The following MDFIC2 variants were observed in gnomAD, a reference collection of about 807,000 sequenced individuals.
The protein encoded by MDFIC2 is MyoD family inhibitor domain containing 2.
chr3:70,204,676 G>A (rs1701273860), intron 3 of MDFIC2: 1 of 150,342 alleles, frequency 6.7e-6, no homozygotes, highest in Non-Finnish European at 1.5e-5. Flanking sequence ...TTTTTGAATG[G>A]GGCTCTTGAG....
chr3:70,288,012 C>T (rs1039240265), intron 2 of MDFIC2, among the ~76,000 whole-genome samples: 46 of 152,002 alleles, frequency 3.0e-4, no homozygotes, highest in African/African-American at 9.2e-4. Flanking sequence ...AAAACCAGCT[C>T]CTGGATTCAT....
intron 2 of MDFIC2, chr3:70,283,631 G>A (rs1446249748): frequency 6.6e-6 from 1 of 152,022 alleles, no homozygotes; most frequent in Admixed American, 6.6e-5. Flanking sequence ...AGATTAAAGG[G>A]ATTCATGCTG....
chr3:70,299,254 G>A (rs1403079), intron 2 of MDFIC2, among the ~76,000 whole-genome samples: 44,514 of 151,778 alleles, frequency 0.29, 6,820 homozygotes, highest in South Asian at 0.41. Flanking sequence ...ACATTTATTC[G>A]TGAATCATCA....
intron 2 of MDFIC2, among the ~76,000 whole-genome samples, chr3:70,263,546 G>C (rs1223952231): frequency 6.6e-6 from 1 of 152,086 alleles, no homozygotes; most frequent in Non-Finnish European, 1.5e-5. Flanking sequence ...AAAATGTTTG[G>C]TTGACAGATC....
chr3:70,246,446 A>G (rs1282654418), intron 2 of MDFIC2, among the ~76,000 whole-genome samples: 1 of 152,098 alleles, frequency 6.6e-6, no homozygotes, highest in Non-Finnish European at 1.5e-5. Context: ...AACAACATAG[A>G]GTGAACTCAA....
intron 2 of MDFIC2, among the ~76,000 whole-genome samples, chr3:70,235,789 A>G (rs895652824): frequency 6.6e-6 from 1 of 152,204 alleles, no homozygotes; most frequent in Non-Finnish European, 1.5e-5. Context: ...ACTAAGCCTC[A>G]TTTCTTTATC....
intron 2 of MDFIC2, among the ~76,000 whole-genome samples, chr3:70,293,767 C>G (rs1356832968): frequency 6.6e-6 from 1 of 151,702 alleles, no homozygotes; most frequent in Admixed American, 6.6e-5. Flanking sequence ...AAAAATATAA[C>G]AATGAGTATC....
At chr3:70,243,891 T>C (rs1360322454) in intron 2 of MDFIC2, among the ~76,000 whole-genome samples, 2 of 152,198 alleles carry the variant, frequency 1.3e-5, no homozygotes, top group Non-Finnish European at 2.9e-5. Flanking sequence ...GAGAAAATAC[T>C]GTAATAATTG....
At chr3:70,201,928 T>C (rs536265880) in intron 3 of MDFIC2, among the ~76,000 whole-genome samples, 4 of 152,320 alleles carry the variant, frequency 2.6e-5, no homozygotes, top group Admixed American at 6.5e-5. Flanking sequence ...TTCAGGGTGC[T>C]TCTCCTCCTG....
chr3:70,286,279 C>A (rs549700645), intron 2 of MDFIC2, among the ~76,000 whole-genome samples: 2 of 152,180 alleles, frequency 1.3e-5, no homozygotes, highest in African/African-American at 4.8e-5. Flanking sequence ...CTACATATGG[C>A]TAGCCAGTTT....
At chr3:70,307,050 A>G (rs910944962) in intron 2 of MDFIC2, among the ~76,000 whole-genome samples, 2 of 152,284 alleles carry the variant, frequency 1.3e-5, no homozygotes, top group East Asian at 1.9e-4. Context: ...AGCAATGTTT[A>G]TGGAAAACCA....
chr3:70,293,045 CAAAAA>C (rs55990203), intron 2 of MDFIC2, among the ~76,000 whole-genome samples: 1,975 of 74,690 alleles, frequency 0.026, 20 homozygotes, highest in African/African-American at 0.066. Context: ...TGGTTTGAAG[CAAAAA>C]AAAAAAAAAA....
At chr3:70,310,838 A>T (rs1575622824) in intron 2 of MDFIC2, among the ~76,000 whole-genome samples, 2 of 152,136 alleles carry the variant, frequency 1.3e-5, no homozygotes, top group Non-Finnish European at 2.9e-5. Context: ...GAACATGATG[A>T]GGTGGTGGTT....
intron 2 of MDFIC2, among the ~76,000 whole-genome samples, chr3:70,217,783 T>C (rs545595651): frequency 6.6e-6 from 1 of 152,158 alleles, no homozygotes; most frequent in African/African-American, 2.4e-5. Context: ...TACTGAATGA[T>C]CATTGAACCT....
At chr3:70,268,313 A>G (rs1254421744) in intron 2 of MDFIC2, among the ~76,000 whole-genome samples, 1 of 152,040 alleles carries the variant, frequency 6.6e-6, no homozygotes, top group Admixed American at 6.5e-5. Context: ...CGTCTGTACT[A>G]AAATACAAAA....
At chr3:70,254,159 A>AT (rs1701794273) in intron 2 of MDFIC2, among the ~76,000 whole-genome samples, 1 of 151,696 alleles carries the variant, frequency 6.6e-6, no homozygotes, top group Non-Finnish European at 1.5e-5. Flanking sequence ...ACACAAAAAA[A>AT]ATTGTATGCT....
At chr3:70,303,294 A>G (rs930669894) in intron 2 of MDFIC2, among the ~76,000 whole-genome samples, 1 of 152,100 alleles carries the variant, frequency 6.6e-6, no homozygotes, top group Non-Finnish European at 1.5e-5. Context: ...GTGTAGCATT[A>G]TGGTGCTGGC....
At position 70,194,875 on chromosome 3, in the gene MDFIC2, A is replaced by G. The variant is rs1351149897; in HGVS notation, c.*2051T>C. 2.0e-5 allele frequency among the ~76,000 whole-genome samples: 3 copies of G among 152,150 alleles called. No homozygotes were observed. The East Asian group carries it at 5.8e-4, about 29-fold the overall frequency. On this transcript the variant is annotated 3_prime_UTR_variant, in exon 4 of 4. Transcript: ENST00000567252. ...CCCAGGTGTTCCTCCTTTAGTGACT[A>G]GACCACGGGTAGAGGGGTGGGTGCT...
chr3:70,280,694 A>G (rs1259754799), intron 2 of MDFIC2, among the ~76,000 whole-genome samples: 1 of 152,156 alleles, frequency 6.6e-6, no homozygotes, highest in Non-Finnish European at 1.5e-5. Context: ...TCCCCAAGGC[A>G]GGTCTCCAAA....
Sources: allele counts gnomAD v4.1 joint callset (sites outside exome capture counted in the v4.1 genomes callset), GRCh38; gene constraint gnomAD v4.1.1; transcripts MANE v1.5; gene names NCBI Gene and HGNC (gene_info 2026-07-23, HGNC 2026-07-21).